LARP4: variants seen among roughly 807,000 people sequenced by gnomAD.
LARP4 encodes the protein la-related protein 4.
In LARP4, 29 loss-of-function variants were observed where a neutral mutation model predicts 92.9. The observed-to-expected ratio is 0.31, with a 90% CI of 0.23 to 0.43. LARP4 has a LOEUF of 0.43. LARP4 is among the 20% of genes least tolerant of loss of function. LARP4 has a pLI of 1.00. For missense variants in LARP4, 732 were observed against 860.0 expected (o/e 0.85, Z 1.86); for synonymous variants, 279 against 284.1 (o/e 0.98, Z 0.18).
At position 50,476,042 on chromosome 12, in the gene LARP4, G is replaced by A. The variant is rs1957509832; in HGVS notation, c.*178G>A. The stretch of plus-strand genomic sequence containing the variant: ...GATCCCAAAATTCATCTCTAATGTG[G>A]TTTTTAAATGCTGGAGGATTCCAAT... On this transcript the variant is annotated 3_prime_UTR_variant, in exon 16 of 16. Transcript: ENST00000398473. 1 of 474,082 alleles carries A rather than the reference G, an allele frequency of 2.1e-6. No individual in the cohort carries two copies. Among genetic ancestry groups the A allele is most frequent in the African/African-American group, 1.9e-5 (1 of 51,786 alleles). The allele number at this position is 474,082 out of a possible 1,614,324, so 29.4% of individuals were successfully genotyped here. A position where few individuals can be genotyped will look rare whatever the true frequency, so the allele number is the denominator to read the frequency against.
intron 13 of LARP4, among the ~76,000 whole-genome samples, chr12:50,471,083 G>GTT (rs1956876007): frequency 6.6e-6 from 1 of 152,056 alleles, no homozygotes; most frequent in Non-Finnish European, 1.5e-5. Context: ...GAGGCCAAGA[G>GTT]TTTGAGACCA....
chr12:50,425,699 C>T (rs1460388583), intron 1 of LARP4, among the ~76,000 whole-genome samples: 1 of 152,130 alleles, frequency 6.6e-6, no homozygotes, highest in Non-Finnish European at 1.5e-5. Flanking sequence ...GTGAGGTGGA[C>T]CCCAGCTTTG....
At chr12:50,458,511 T>C (rs904718182) in intron 10 of LARP4, among the ~76,000 whole-genome samples, 5 of 152,262 alleles carry the variant, frequency 3.3e-5, no homozygotes, top group African/African-American at 9.6e-5. Context: ...GGAATTTACG[T>C]TTAATTGGTG....
At chr12:50,419,690 T>G (rs1381639446) in intron 1 of LARP4, among the ~76,000 whole-genome samples, 1 of 152,152 alleles carries the variant, frequency 6.6e-6, no homozygotes, top group African/African-American at 2.4e-5. Flanking sequence ...GATGATCGTT[T>G]GAGGCCAGGA....
chr12:50,461,522 T>G, intron 11 of LARP4, 175 bp downstream of exon 11: 1 of 673,166 alleles, frequency 1.5e-6, no homozygotes, highest in Non-Finnish European at 2.4e-6. Context: ...TATTAAGAAA[T>G]AGAGTGCCCA....
At chr12:50,435,656 A>T in intron 5 of LARP4, 32 bp downstream of exon 5, 1 of 1,481,832 alleles carries the variant, frequency 6.7e-7, no homozygotes, top group Non-Finnish European at 9.2e-7. Flanking sequence ...CTTTTTTTTT[A>T]ATTTTTAAAC....
chr12:50,456,659 T>C (rs577679628), intron 10 of LARP4, among the ~76,000 whole-genome samples: 157 of 152,308 alleles, frequency 1.0e-3, no homozygotes, highest in Non-Finnish European at 1.6e-3. Context: ...ATACTATCTT[T>C]CTTTCACTTT....
chr12:50,430,044 G>A (rs994856737), intron 3 of LARP4, among the ~76,000 whole-genome samples: 9 of 152,128 alleles, frequency 5.9e-5, no homozygotes, highest in African/African-American at 1.9e-4. Flanking sequence ...ACAGAAATTA[G>A]TTAGACTTTG....
At chr12:50,436,038 ATTTTT>A (rs1950357848) in intron 5 of LARP4, among the ~76,000 whole-genome samples, 3 of 130,410 alleles carry the variant, frequency 2.3e-5, no homozygotes, top group African/African-American at 9.0e-5. Context: ...TTGGCTTCCC[ATTTTT>A]ACTGACTCTG....
At chr12:50,448,294 A>C (rs936377543) in intron 8 of LARP4, among the ~76,000 whole-genome samples, 1 of 152,054 alleles carries the variant, frequency 6.6e-6, no homozygotes, top group Non-Finnish European at 1.5e-5. Context: ...AGTGCTATTA[A>C]ATACATTCAC....
intron 4 of LARP4, among the ~76,000 whole-genome samples, chr12:50,430,883 A>T (rs1949548722): frequency 6.6e-6 from 1 of 152,078 alleles, no homozygotes; most frequent in Non-Finnish European, 1.5e-5. Flanking sequence ...GCCAGTCTCA[A>T]ACATGCAACC....
chr12:50,420,762 A>C (rs1281401922), intron 1 of LARP4: 1 of 152,204 alleles, frequency 6.6e-6, no homozygotes, highest in Non-Finnish European at 1.5e-5. Context: ...TTTACTAAGA[A>C]GTTCTGAATG....
intron 1 of LARP4, among the ~76,000 whole-genome samples, chr12:50,410,097 A>G (rs1380842987): frequency 1.3e-5 from 2 of 151,120 alleles, no homozygotes; most frequent in Admixed American, 6.6e-5. Flanking sequence ...CGGCAAAAAA[A>G]AAAAAAAGAA....
intron 8 of LARP4, among the ~76,000 whole-genome samples, chr12:50,447,301 G>T (rs1952366159): frequency 6.6e-6 from 1 of 152,138 alleles, no homozygotes; most frequent in Non-Finnish European, 1.5e-5. Flanking sequence ...CTCAGCCTGT[G>T]GTTTTATTAA....
At position 50,446,426 on chromosome 12, in the gene LARP4, TATA is replaced by T. The variant is rs1195303381; in HGVS notation, c.804+4784_804+4786del. ...CTCTCTCTCTATATATATATATATA[TATA>T]TTTTTTTTTTTTTTTATAGACGGAG... On this transcript the variant is annotated intron_variant, in intron 8 of 15. Coordinates refer to ENST00000398473, the MANE Select transcript of LARP4 (RefSeq NM_052879.5). Among the ~76,000 whole-genome samples the T allele has an allele frequency of 1.7e-3, 30 of 17,144 alleles. 5 individuals are homozygous for T. Among genetic ancestry groups the T allele is most frequent in the Non-Finnish European group, 3.2e-3 (27 of 8,462 alleles). The allele number at this position is 17,144 out of a possible 152,430, so 11.2% of individuals were successfully genotyped here.
At chr12:50,469,577 C>G (rs1304402728) in intron 13 of LARP4, among the ~76,000 whole-genome samples, 1 of 131,724 alleles carries the variant, frequency 7.6e-6, no homozygotes, top group Non-Finnish European at 1.6e-5. Context: ...GCACTCCAGC[C>G]TGGGCGACAG....
At chr12:50,408,487 G>T (rs907549522) in intron 1 of LARP4, among the ~76,000 whole-genome samples, 5 of 151,984 alleles carry the variant, frequency 3.3e-5, no homozygotes, top group African/African-American at 1.2e-4. Flanking sequence ...ATGAGCCACC[G>T]CACCCGGCGA....
rs963330771 is a variant in LARP4, at chr12:50,441,532, A to T, written c.751-58A>T. On this transcript the variant is annotated intron_variant, in intron 7 of 15. Transcript: ENST00000398473. ...ATACTAAACTCTCAACATAATAAAG[A>T]TAACTTTACTGAAATGTTTGAATGC... 4 of 1,239,874 alleles carry T rather than the reference A, an allele frequency of 3.2e-6. No individual in the cohort carries two copies. In the African/African-American group the frequency reaches 6.1e-5, roughly 19 times the overall value. 76.8% of individuals were successfully genotyped at this position (1,239,874 alleles called of 1,614,324 possible). A position where few individuals can be genotyped will look rare whatever the true frequency, so the allele number is the denominator to read the frequency against.
intron 12 of LARP4, among the ~76,000 whole-genome samples, chr12:50,465,791 A>G (rs914637325): frequency 7.2e-5 from 11 of 152,208 alleles, no homozygotes; most frequent in South Asian, 4.1e-4. Context: ...CTACAATTCA[A>G]TGATATTTTT....
Sources: allele counts gnomAD v4.1 joint callset (sites outside exome capture counted in the v4.1 genomes callset), GRCh38; gene constraint gnomAD v4.1.1; transcripts MANE v1.5; gene names NCBI Gene and HGNC (gene_info 2026-07-23, HGNC 2026-07-21).